The following MORC1 variants were observed in gnomAD, a reference collection of about 807,000 sequenced individuals.
MORC1 encodes the protein MORC family CW-type zinc finger 1.
A neutral mutation model predicts 134.9 loss-of-function variants in MORC1; 59 were observed. The ratio of observed to expected loss-of-function variants is 0.44; its 90% confidence interval spans 0.35 to 0.54. The LOEUF (loss-of-function observed/expected upper bound fraction) is 0.54, where lower values mean the gene tolerates loss of function less well. MORC1 is among the 20% of genes least tolerant of loss of function. The pLI is 0.00. For synonymous variants in MORC1, 395 were observed against 391.7 expected (o/e 1.01, Z -0.10); for missense variants, 947 against 1,134.5 (o/e 0.83, Z 2.37).
At chr3:108,989,824 G>C (rs1947997231) in intron 21 of MORC1, among the ~76,000 whole-genome samples, 1 of 152,114 alleles carries the variant, frequency 6.6e-6, no homozygotes, top group Non-Finnish European at 1.5e-5. Context: ...TGGGTTTCTA[G>C]TGTGGGCCAG....
At chr3:109,114,187 A>C (rs1434308146) in intron 2 of MORC1, among the ~76,000 whole-genome samples, 197 bp downstream of exon 2, 1 of 152,266 alleles carries the variant, frequency 6.6e-6, no homozygotes, top group African/African-American at 2.4e-5. Flanking sequence ...TTGATCATAA[A>C]TTAAAATTAA....
At chr3:108,988,864 T>A (rs1947969283) in intron 21 of MORC1, among the ~76,000 whole-genome samples, 1 of 152,232 alleles carries the variant, frequency 6.6e-6, no homozygotes, top group South Asian at 2.1e-4. Flanking sequence ...TTTAGTTCTC[T>A]GCTTTGAGCT....
intron 8 of MORC1, among the ~76,000 whole-genome samples, chr3:109,088,308 G>C (rs1238477500): frequency 6.6e-6 from 1 of 151,988 alleles, no homozygotes; most frequent in Non-Finnish European, 1.5e-5. Flanking sequence ...ATGGGAGAAA[G>C]TATTTGCAAA....
intron 24 of MORC1, among the ~76,000 whole-genome samples, chr3:108,975,676 T>C (rs1027782760): frequency 6.6e-6 from 1 of 152,168 alleles, no homozygotes; most frequent in Non-Finnish European, 1.5e-5. Flanking sequence ...ATTTATAGGA[T>C]TGTTGTAAGA....
At chr3:108,999,535 A>C (rs2107517257) in intron 21 of MORC1, among the ~76,000 whole-genome samples, 1 of 152,324 alleles carries the variant, frequency 6.6e-6, no homozygotes, top group Non-Finnish European at 1.5e-5. Context: ...CATTATCATA[A>C]GTTAAGCTAA....
At chr3:109,033,898 G>A (rs1004174365) in intron 15 of MORC1, among the ~76,000 whole-genome samples, 1 of 152,108 alleles carries the variant, frequency 6.6e-6, no homozygotes, top group South Asian at 2.1e-4. Context: ...GAGACTTAAA[G>A]AAGTTAAACA....
chr3:109,054,548 C>T (rs926749978), intron 14 of MORC1, among the ~76,000 whole-genome samples, 180 bp downstream of exon 14: 3 of 152,134 alleles, frequency 2.0e-5, no homozygotes, highest in Admixed American at 6.5e-5. Context: ...TTGTTTTTCA[C>T]GACAGTCTGG....
chr3:109,056,750 A>T (rs1224633659), intron 13 of MORC1, among the ~76,000 whole-genome samples: 1 of 152,122 alleles, frequency 6.6e-6, no homozygotes, highest in African/African-American at 2.4e-5. Context: ...CAAGATAGTA[A>T]ATGCTCCCTG....
chr3:109,021,530 C>T (rs576910494), intron 17 of MORC1, among the ~76,000 whole-genome samples: 5 of 152,308 alleles, frequency 3.3e-5, no homozygotes, highest in African/African-American at 9.6e-5. Flanking sequence ...TGGCCTTTGA[C>T]GACAGCATTT....
chr3:109,062,230 G>A (rs1156923586), intron 10 of MORC1, among the ~76,000 whole-genome samples, 172 bp from the exon 11 acceptor site: 1 of 151,884 alleles, frequency 6.6e-6, no homozygotes, highest in Non-Finnish European at 1.5e-5. Context: ...CCTTCTATTG[G>A]GGTTTCATTT....
intron 14 of MORC1, among the ~76,000 whole-genome samples, chr3:109,037,302 C>T (rs889692985): frequency 2.0e-5 from 3 of 152,174 alleles, no homozygotes; most frequent in Admixed American, 1.3e-4. Context: ...TTGAGGGTAG[C>T]GTCACATGGA....
intron 14 of MORC1, among the ~76,000 whole-genome samples, chr3:109,047,215 T>A (rs1354275565): frequency 6.6e-6 from 1 of 152,188 alleles, no homozygotes; most frequent in Admixed American, 6.5e-5. Context: ...CAGTTTTAAA[T>A]TCAGACTCAT....
At chr3:109,116,879 C>T (rs1345474918) in intron 1 of MORC1, among the ~76,000 whole-genome samples, 2 of 152,140 alleles carry the variant, frequency 1.3e-5, no homozygotes, top group African/African-American at 2.4e-5. Context: ...TAAGTTACTA[C>T]ACCACCAGTT....
chr3:109,040,476 GAAA>G lies in MORC1; in HGVS notation c.1331-5011_1331-5009del, dbSNP rs1559912793. Among the ~76,000 whole-genome samples the G allele has an allele frequency of 1.2e-3, 173 of 145,856 alleles. 9 individuals carry two copies. The highest frequency in any genetic ancestry group is 4.0e-3 in the African/African-American group (158 of 39,026). ...AGAAAGAAAGAAAGAAAGAAAGAAA[GAAA>G]GAAAGAAAGGAAAGAAAAGAAAGGA... is the stretch of plus-strand genomic sequence containing the variant. On this transcript the variant is annotated intron_variant, in intron 14 of 27. Transcript: ENST00000232603.
In MORC1 at chr3:109,061,798, G is replaced by C. The variant is rs145536554; in HGVS notation, c.966+190C>G. Reference sequence around the variant, plus strand: ...TTTCTCTCTGCCTCAGCCTTGCCCCGACTTGCTGAGTTTCCTCTCCTTTCT... The same window carrying C: ...TTTCTCTCTGCCTCAGCCTTGCCCCCACTTGCTGAGTTTCCTCTCCTTTCT... On this transcript the variant is annotated intron_variant, in intron 11 of 27. Coordinates refer to ENST00000232603, the MANE Select transcript of MORC1 (RefSeq NM_014429.4). Among the ~76,000 whole-genome samples the C allele has an allele frequency of 5.1e-3, 782 of 152,108 alleles. 18 individuals carry two copies. Among genetic ancestry groups the C allele is most frequent in the African/African-American group, 0.018 (750 of 41,510 alleles).
At chr3:108,964,555 C>T (rs572321072) in intron 26 of MORC1, among the ~76,000 whole-genome samples, 14 of 152,152 alleles carry the variant, frequency 9.2e-5, no homozygotes, top group South Asian at 2.1e-4. Context: ...GCTGACCTCA[C>T]GAGTTTCCCC....
intron 8 of MORC1, among the ~76,000 whole-genome samples, chr3:109,084,824 C>T (rs116730703): frequency 6.6e-6 from 1 of 152,120 alleles, no homozygotes; most frequent in African/African-American, 2.4e-5. Context: ...GAAGAAGACA[C>T]AACCCAGATA....
chr3:109,095,656 G>A (rs1950819020), intron 6 of MORC1, among the ~76,000 whole-genome samples: 1 of 152,176 alleles, frequency 6.6e-6, no homozygotes, highest in Non-Finnish European at 1.5e-5. Flanking sequence ...ACCTTACTGA[G>A]ATTAGATAGA....
intron 8 of MORC1, among the ~76,000 whole-genome samples, chr3:109,071,836 G>A (rs1186306774): frequency 6.6e-6 from 1 of 152,096 alleles, no homozygotes; most frequent in Non-Finnish European, 1.5e-5. Context: ...AAGCCATATG[G>A]TTTGCATATC....
Sources: allele counts gnomAD v4.1 joint callset (sites outside exome capture counted in the v4.1 genomes callset), GRCh38; gene constraint gnomAD v4.1.1; transcripts MANE v1.5; gene names NCBI Gene and HGNC (gene_info 2026-07-23, HGNC 2026-07-21).